BTAF1: variants seen among roughly 807,000 people sequenced by gnomAD.
BTAF1 encodes the protein B-TFIID TATA-box binding protein associated factor 1, also known as TATA-binding protein-associated factor 172.
In BTAF1, 38 loss-of-function variants were observed where a neutral mutation model predicts 227.1. The ratio of observed to expected loss-of-function variants is 0.17; its 90% CI spans 0.13 to 0.22. BTAF1 has a LOEUF of 0.22. Among genes scored for constraint, BTAF1 ranks in the 10% least tolerant of loss-of-function variants. The pLI is 1.00. For missense variants in BTAF1, 1,598 were observed against 2,204.0 expected, an observed-to-expected ratio of 0.73 and a Z score of 5.51; for synonymous variants, 742 against 751.9, an observed-to-expected ratio of 0.99 and a Z score of 0.21.
In BTAF1 at chr10:91,962,691, T is replaced by G. The variant is rs1188847575; in HGVS notation, c.1404+13T>G. The G allele has an allele frequency of 1.9e-6, 3 of 1,577,124 alleles. No homozygotes were observed. In the Admixed American group the frequency reaches 5.7e-5, roughly 30 times the overall value. The stretch of plus-strand genomic sequence containing the variant: ...TCAGACACAAAAGGTAAATTAAATA[T>G]TTTTACAGTTTCTTACTATAGAGCT... On this transcript the variant is annotated intron_variant, in intron 12 of 37. Transcript: ENST00000265990.
intron 6 of BTAF1, among the ~76,000 whole-genome samples, chr10:91,954,759 T>C (rs542508703): frequency 1.6e-4 from 24 of 152,258 alleles, no homozygotes; most frequent in African/African-American, 5.8e-4. Flanking sequence ...GGTCTTCCTA[T>C]GTTGCCTAGG....
At chr10:91,965,182 G>A (rs758369153) in intron 13 of BTAF1, among the ~76,000 whole-genome samples, 18 of 152,248 alleles carry the variant, frequency 1.2e-4, no homozygotes, top group Admixed American at 2.6e-4. Flanking sequence ...CATTTATGGG[G>A]TTTCCTAATT....
At chr10:91,947,768 A>G (rs1259974278) in intron 4 of BTAF1, among the ~76,000 whole-genome samples, 1 of 133,428 alleles carries the variant, frequency 7.5e-6, no homozygotes, top group Non-Finnish European at 1.6e-5. Context: ...GCCAGCTGGG[A>G]TTTTGATAGC....
In BTAF1 at chr10:91,984,279, G is replaced by A; in HGVS notation, c.2302G>A (p.Ala768Thr). 1 of 1,613,848 alleles carries A rather than the reference G, an allele frequency of 6.2e-7. No homozygotes were observed. Among genetic ancestry groups the A allele is most frequent in the Non-Finnish European group, 8.5e-7 (1 of 1,179,886 alleles). ...AGAACATTTATATTATGACGAAATT[G>A]CCGTTCCATTCACACGAATGCAGAA... ...LSEHLYYDEI[A>T]VPFTRMQNEC... is the part of the protein sequence containing the mutation. Residue 768 changes from alanine (A) to threonine (T), a missense_variant, in exon 19 of 38, where the codon GCC (alanine) becomes ACC (threonine). Physicochemically the swap from Ala to Thr is moderately conservative, Grantham distance 58 (BLOSUM62 0). Transcript: ENST00000265990.
chr10:92,009,222 G>A lies in BTAF1; in HGVS notation c.4103+14G>A, dbSNP rs769646349. 1.9e-6 allele frequency: 3 copies of A among 1,605,322 alleles called. No individual in the cohort carries two copies. Among genetic ancestry groups the A allele is most frequent in the Non-Finnish European group, 1.7e-6 (2 of 1,174,794 alleles). ...TGAAAGAATAAGGTAAGAGTTGTATGACAATAACAAAATATTTCATCTGTT... is the reference window on the plus strand; with the variant it reads ...TGAAAGAATAAGGTAAGAGTTGTATAACAATAACAAAATATTTCATCTGTT... On this transcript the variant is annotated intron_variant, in intron 28 of 37. Coordinates refer to ENST00000265990, the MANE Select transcript of BTAF1 (RefSeq NM_003972.3).
chr10:91,996,462 A>G lies in BTAF1; in HGVS notation c.3403A>G (p.Lys1135Glu). 6.2e-7 allele frequency: 1 copy of G among 1,614,172 alleles called. No individual in the cohort carries two copies. ...MAARCVGVMSKIATMETMNIF... is the reference protein window; with the variant it reads ...MAARCVGVMSEIATMETMNIF... The stretch of plus-strand genomic sequence containing the variant: ...TGCTCGTTGTGTAGGTGTCATGAGC[A>G]AAATAGCTACCATGGAAACAATGAA... Residue 1135 changes from lysine to glutamate, a missense_variant, in exon 24 of 38, where the codon AAA becomes GAA. Coordinates refer to ENST00000265990, the MANE Select transcript of BTAF1 (RefSeq NM_003972.3).
chr10:91,949,873 C>T (rs778545285), intron 4 of BTAF1, among the ~76,000 whole-genome samples: 3 of 152,068 alleles, frequency 2.0e-5, no homozygotes, highest in African/African-American at 2.4e-5. Context: ...CAGTGGCTCA[C>T]GCTTGTAATC....
chr10:91,965,177 A>G (rs1040252959), intron 13 of BTAF1, among the ~76,000 whole-genome samples: 1 of 152,214 alleles, frequency 6.6e-6, no homozygotes, highest in Non-Finnish European at 1.5e-5. Flanking sequence ...TAGTACATTT[A>G]TGGGGTTTCC....
At chr10:91,942,333 A>G in intron 3 of BTAF1, 89 bp from the exon 4 acceptor site, 1 of 774,878 alleles carries the variant, frequency 1.3e-6, no homozygotes, top group Non-Finnish European at 2.0e-6. Context: ...TGTGTGTGTA[A>G]CCCATGCAAC....
chr10:92,008,046 T>C lies in BTAF1; in HGVS notation c.3661-77T>C, dbSNP rs925747788. 7.8e-6 allele frequency: 10 copies of C among 1,287,800 alleles called. No individual in the cohort carries two copies. The Middle Eastern group carries it at 7.6e-4, about 98-fold the overall frequency. 79.8% of individuals were successfully genotyped at this position (1,287,800 alleles called of 1,614,324 possible). A position where few individuals can be genotyped will look rare whatever the true frequency, so the allele number is the denominator to read the frequency against. On this transcript the variant is annotated intron_variant, in intron 25 of 37. Transcript: ENST00000265990. ...TTTCAGAATTCTTTTTTCTGTGTGT[T>C]TGTTTTGTGTTTATTTGATCTAAGA...
intron 1 of BTAF1, among the ~76,000 whole-genome samples, chr10:91,930,406 GA>G (rs1844192327): frequency 6.6e-6 from 1 of 152,098 alleles, no homozygotes; most frequent in South Asian, 2.1e-4. Context: ...GTATAGCAGA[GA>G]AAAAAACTGT....
intron 34 of BTAF1, among the ~76,000 whole-genome samples, chr10:92,023,675 CTCTG>C (rs773124060): frequency 2.6e-5 from 4 of 152,120 alleles, no homozygotes; most frequent in Non-Finnish European, 4.4e-5. Flanking sequence ...TAGAGGGAGA[CTCTG>C]TCTCTAAAAA....
At chr10:92,004,603 G>T (rs1353044380) in intron 25 of BTAF1, among the ~76,000 whole-genome samples, 1 of 152,124 alleles carries the variant, frequency 6.6e-6, no homozygotes, top group Non-Finnish European at 1.5e-5. Flanking sequence ...AAGTAGATGG[G>T]ACTACAGGTG....
intron 33 of BTAF1, among the ~76,000 whole-genome samples, chr10:92,017,387 A>G (rs1018410285): frequency 5.3e-5 from 8 of 152,224 alleles, no homozygotes; most frequent in African/African-American, 1.9e-4. Context: ...AGAGGTGGCA[A>G]GTGTCACTTT....
At position 91,994,543 on chromosome 10, in the gene BTAF1, T is replaced by C. The variant is rs1164682838; in HGVS notation, c.3208T>C (p.Ser1070Pro). 6.2e-7 allele frequency: 1 copy of C among 1,609,184 alleles called. No individual in the cohort carries two copies. Among genetic ancestry groups the C allele is most frequent in the Non-Finnish European group, 8.5e-7 (1 of 1,177,312 alleles). The change falls in exon 23 of 38, where the codon TCC (serine) becomes CCC (proline). Residue 1070 changes from serine to proline, a missense_variant. Coordinates refer to ENST00000265990, the MANE Select transcript of BTAF1 (RefSeq NM_003972.3). ...TIDINNFDGKSLLDKGDSPAQ... is the reference protein window; with the variant it reads ...TIDINNFDGKPLLDKGDSPAQ... Reference sequence around the variant, plus strand: ...ACAATATATTTTAACAGATGGAAAATCCCTCCTGGATAAGGGAGATAGCCC... The same window carrying C: ...ACAATATATTTTAACAGATGGAAAACCCCTCCTGGATAAGGGAGATAGCCC...
intron 19 of BTAF1, among the ~76,000 whole-genome samples, chr10:91,987,187 A>C (rs1397710578): frequency 6.6e-6 from 1 of 151,060 alleles, no homozygotes; most frequent in Admixed American, 6.6e-5. Context: ...TCTTTCAGAA[A>C]GTCTCATGTG....
At chr10:91,992,094 G>A (rs1004291794) in intron 20 of BTAF1, 25 bp from the exon 21 acceptor site, 3 of 1,527,832 alleles carry the variant, frequency 2.0e-6, no homozygotes, top group East Asian at 2.3e-5. Flanking sequence ...ATGATTAAAA[G>A]GTTGTTTAAC....
At chr10:91,983,211 A>G (rs368284753) in intron 18 of BTAF1, among the ~76,000 whole-genome samples, 2 of 152,360 alleles carry the variant, frequency 1.3e-5, no homozygotes, top group East Asian at 3.9e-4. Context: ...ACATCTCTGT[A>G]TTTAAACCAA....
intron 8 of BTAF1, among the ~76,000 whole-genome samples, chr10:91,958,575 G>C (rs969549393): frequency 1.3e-5 from 2 of 152,024 alleles, no homozygotes; most frequent in Non-Finnish European, 2.9e-5. Flanking sequence ...GGTGGCGGGC[G>C]CCTGAAATCC....
Sources: allele counts gnomAD v4.1 joint callset (sites outside exome capture counted in the v4.1 genomes callset), GRCh38; gene constraint gnomAD v4.1.1; transcripts MANE v1.5; gene names NCBI Gene and HGNC (gene_info 2026-07-23, HGNC 2026-07-21).